The following GRIK4 variants were observed in gnomAD, a reference collection of about 807,000 sequenced individuals.
GRIK4 encodes the protein glutamate receptor ionotropic, kainate 4.
GRIK4 carries 40 observed loss-of-function variants against 104.9 expected under a neutral mutation model. The ratio of observed to expected loss-of-function variants is 0.38; its 90% confidence interval spans 0.30 to 0.50. The LOEUF (loss-of-function observed/expected upper bound fraction) is 0.50, where lower values mean the gene tolerates loss of function less well. Among genes scored for constraint, GRIK4 ranks in the 20% least tolerant of loss-of-function variants. The pLI, the probability that GRIK4 is intolerant of heterozygous loss-of-function variation, is 0.93. For missense variants in GRIK4, 1,047 were observed against 1,308.1 expected, an observed-to-expected ratio of 0.80 and a Z score of 3.08; for synonymous variants, 485 against 524.9, an observed-to-expected ratio of 0.92 and a Z score of 1.04.
chr11:120,934,397 C>G (rs1477419553), intron 13 of GRIK4, among the ~76,000 whole-genome samples: 1 of 151,992 alleles, frequency 6.6e-6, no homozygotes, highest in Non-Finnish European at 1.5e-5. Context: ...ATGCCATTCT[C>G]AGGAAGCCCG....
chr11:120,909,660 A>G (rs2134523564), intron 13 of GRIK4, among the ~76,000 whole-genome samples: 1 of 152,358 alleles, frequency 6.6e-6, no homozygotes, highest in South Asian at 2.1e-4. Context: ...CAGCAGAAGC[A>G]ATGAAGGTTG....
rs113481344 is a variant in GRIK4 at position 120,588,679 on chromosome 11, T to G, written c.-158-65006T>G. On this transcript the variant is annotated intron_variant, in intron 1 of 20. Transcript: ENST00000527524. ...AAGAGTTTGGCGGCAGGGGATAGTA[T>G]AGGGCAGGCTTCTCAACATTTTGGG... is the stretch of plus-strand genomic sequence containing the variant. Among the ~76,000 whole-genome samples the G allele has an allele frequency of 1.9e-3, 284 of 152,208 alleles. 1 individual carries two copies. Among genetic ancestry groups the G allele is most frequent in the African/African-American group, 5.6e-3 (233 of 41,534 alleles).
At chr11:120,613,846 T>A (rs1404014824) in intron 1 of GRIK4, among the ~76,000 whole-genome samples, 1 of 152,226 alleles carries the variant, frequency 6.6e-6, no homozygotes, top group African/African-American at 2.4e-5. Flanking sequence ...CTCAGGGTGC[T>A]GAGGCATTTA....
At chr11:120,586,836 G>T (rs529969431) in intron 1 of GRIK4, among the ~76,000 whole-genome samples, 15 of 152,278 alleles carry the variant, frequency 9.9e-5, no homozygotes, top group African/African-American at 3.6e-4. Flanking sequence ...CCTGATGTGT[G>T]GTTAGGATCA....
intron 1 of GRIK4, among the ~76,000 whole-genome samples, chr11:120,557,792 G>A (rs961340002): frequency 1.3e-5 from 2 of 152,110 alleles, no homozygotes; most frequent in Admixed American, 6.5e-5. Flanking sequence ...CGAGGCAGGC[G>A]GATCACGAGG....
At chr11:120,868,332 C>G (rs1954482926) in intron 9 of GRIK4, 1 of 152,030 alleles carries the variant, frequency 6.6e-6, no homozygotes, top group Non-Finnish European at 1.5e-5. Flanking sequence ...CATTGCCAAG[C>G]AACGTTTTGG....
intron 3 of GRIK4, among the ~76,000 whole-genome samples, chr11:120,790,946 G>T (rs1000184488): frequency 6.6e-6 from 1 of 152,178 alleles, no homozygotes; most frequent in Non-Finnish European, 1.5e-5. Context: ...TCAATAAAAA[G>T]ATAATGGGTT....
Position 120,819,581 on chromosome 11 carries a change from C to T in GRIK4, c.346-174C>T, listed in dbSNP as rs549347142. 6.6e-6 allele frequency among the ~76,000 whole-genome samples: 1 copy of T among 152,338 alleles called. No individual in the cohort carries two copies. Among genetic ancestry groups the T allele is most frequent in the South Asian group, 2.1e-4 (1 of 4,828 alleles). On this transcript the variant is annotated intron_variant, in intron 5 of 20. Coordinates refer to ENST00000527524, the MANE Select transcript of GRIK4 (RefSeq NM_014619.5). The surrounding 1 kb of genome is among the most constrained non-coding windows in gnomAD (Gnocchi z 4.3). ...TTTGAAGCATCATCAGGGATGTCAT[C>T]GCTCGTCTTCCTCCCACGGAGTGGG...
rs149190203 is a variant in GRIK4, at chr11:120,891,762, G to A, written c.1165-6770G>A. 2.6e-3 allele frequency among the ~76,000 whole-genome samples: 392 copies of A among 152,314 alleles called. 3 individuals carry two copies. The highest frequency in any genetic ancestry group is 9.2e-3 in the African/African-American group (383 of 41,566). The stretch of plus-strand genomic sequence containing the variant: ...GATGAATGTTTGGAAGGAAAAGAAC[G>A]TGGTTCTGGGAGGAGTCCGACTTTG... On this transcript the variant is annotated intron_variant, in intron 11 of 20. Transcript: ENST00000527524.
At chr11:120,805,182 C>G (rs1438525151) in intron 4 of GRIK4, among the ~76,000 whole-genome samples, 1 of 152,168 alleles carries the variant, frequency 6.6e-6, no homozygotes, top group Non-Finnish European at 1.5e-5. Flanking sequence ...ATGCCAGCAA[C>G]AACTCCTTGT....
intron 8 of GRIK4, among the ~76,000 whole-genome samples, chr11:120,840,625 C>A (rs1308633474): frequency 6.6e-6 from 1 of 151,890 alleles, no homozygotes; most frequent in Non-Finnish European, 1.5e-5. Flanking sequence ...GGCAGGGGGT[C>A]AAAAGTCCAG....
At chr11:120,890,281 C>T (rs576994946) in intron 11 of GRIK4, among the ~76,000 whole-genome samples, 1 of 152,280 alleles carries the variant, frequency 6.6e-6, no homozygotes, top group Non-Finnish European at 1.5e-5. Context: ...AAATGCCTTA[C>T]CCCAGCTCAT....
At chr11:120,715,868 T>C (rs56160707) in intron 3 of GRIK4, among the ~76,000 whole-genome samples, 12,700 of 152,046 alleles carry the variant, frequency 0.084, 713 homozygotes, top group African/African-American at 0.16. Context: ...CCAGCCTTAA[T>C]TTAATTTAAA....
At chr11:120,778,295 AG>A (rs1438777950) in intron 3 of GRIK4, among the ~76,000 whole-genome samples, 3 of 152,246 alleles carry the variant, frequency 2.0e-5, no homozygotes, top group Admixed American at 2.0e-4. Context: ...TTTGAGAGAC[AG>A]GATCGGGACT....
chr11:120,815,932 A>G (rs1952946167), intron 5 of GRIK4, among the ~76,000 whole-genome samples: 1 of 152,228 alleles, frequency 6.6e-6, no homozygotes, highest in Admixed American at 6.5e-5. Flanking sequence ...GCTAAAATAA[A>G]GTTTGAAAGC....
At chr11:120,849,323 T>C (rs1270722616) in intron 8 of GRIK4, among the ~76,000 whole-genome samples, 1 of 152,200 alleles carries the variant, frequency 6.6e-6, no homozygotes, top group Non-Finnish European at 1.5e-5. Context: ...CCCCTTTGAC[T>C]GCCCAGGCCT....
chr11:120,901,202 G>A (rs1340300463), intron 12 of GRIK4, among the ~76,000 whole-genome samples: 2 of 152,114 alleles, frequency 1.3e-5, no homozygotes, highest in Non-Finnish European at 2.9e-5. Context: ...CCACTGCCCA[G>A]GCCCTGCTGC....
In GRIK4 at chr11:120,940,355, T is replaced by C; in HGVS notation, c.1485T>C (p.Asp495=). The C allele has an allele frequency of 6.2e-7, 1 of 1,609,668 alleles. No individual in the cohort carries two copies. Among genetic ancestry groups the C allele is most frequent in the Non-Finnish European group, 8.5e-7 (1 of 1,176,248 alleles). The change falls in exon 14 of 21, where the codon GAT becomes GAC. Residue 495 remains aspartate (D), a synonymous_variant. Coordinates refer to ENST00000527524, the MANE Select transcript of GRIK4 (RefSeq NM_014619.5). The surrounding 1 kb of genome is among the most constrained non-coding windows in gnomAD (Gnocchi z 4.3). The part of the protein sequence containing the change: ...MVGELIARKA[D]LAVAGLTITA... ...GTCTCTGTTCTTTTCAGAAAGCAGATCTGGCTGTGGCAGGCCTCACCATTA... is the reference window on the plus strand; with the variant it reads ...GTCTCTGTTCTTTTCAGAAAGCAGACCTGGCTGTGGCAGGCCTCACCATTA...
chr11:120,921,174 A>G (rs1943220246), intron 13 of GRIK4, among the ~76,000 whole-genome samples: 1 of 152,170 alleles, frequency 6.6e-6, no homozygotes, highest in Non-Finnish European at 1.5e-5. Context: ...ATGATCTTCA[A>G]AGAAATTATT....
Sources: gnomAD v4.1 joint callset for allele counts (sites outside exome capture counted in the v4.1 genomes callset) on GRCh38, gnomAD v4.1.1 for gene constraint, Gnocchi (gnomAD v3.1) non-coding constraint, MANE v1.5 for transcripts, NCBI Gene and HGNC (gene_info 2026-07-23, HGNC 2026-07-21) for gene names.